Variants in HERC2 observed in about 807,000 individuals in gnomAD.
HERC2 encodes E3 ubiquitin-protein ligase HERC2.
Under a neutral mutation model 537.7 loss-of-function variants are expected in HERC2, and 102 were observed. That is an observed-to-expected ratio of 0.19 (90% confidence interval 0.16 to 0.22). HERC2 has a LOEUF of 0.22. Among genes scored for constraint, HERC2 ranks in the 10% least tolerant of loss-of-function variants. HERC2 has a pLI of 1.00. For synonymous variants in HERC2, 2,224 were observed against 2,466.2 expected (o/e 0.90, Z 2.91); for missense variants, 4,236 against 6,198.2 (o/e 0.68, Z 10.63).
chr15:28,127,651 G>A (rs767478771), intron 83 of HERC2, among the ~76,000 whole-genome samples: 4 of 152,172 alleles, frequency 2.6e-5, no homozygotes, highest in African/African-American at 4.8e-5. Context: ...AGATGCCAGG[G>A]CTCCTTGGAG....
chr15:28,139,184 C>T (rs546456003), intron 78 of HERC2, among the ~76,000 whole-genome samples: 3 of 152,352 alleles, frequency 2.0e-5, no homozygotes, highest in Non-Finnish European at 2.9e-5. Context: ...CTACAGCTCC[C>T]TCTCCCTGAG....
chr15:28,226,949 T>C (rs976145619), intron 35 of HERC2, among the ~76,000 whole-genome samples: 1 of 152,158 alleles, frequency 6.6e-6, no homozygotes, highest in African/African-American at 2.4e-5. Flanking sequence ...CATTTATTGG[T>C]ACAACAACAA....
chr15:28,211,974 A>C (rs1328958813), intron 43 of HERC2, among the ~76,000 whole-genome samples: 2 of 152,240 alleles, frequency 1.3e-5, no homozygotes, highest in African/African-American at 4.8e-5. Context: ...GGAGAGCCGC[A>C]TTCTACAACC....
At chr15:28,283,585 G>A (rs2076080116) in intron 4 of HERC2, among the ~76,000 whole-genome samples, 2 of 152,184 alleles carry the variant, frequency 1.3e-5, no homozygotes, top group Non-Finnish European at 2.9e-5. Flanking sequence ...AACCATCAAA[G>A]AAAACCCTGG....
At chr15:28,271,257 T>C (rs1297484879) in intron 9 of HERC2, among the ~76,000 whole-genome samples, 1 of 152,236 alleles carries the variant, frequency 6.6e-6, no homozygotes, top group Non-Finnish European at 1.5e-5. Context: ...AAAACCTTTA[T>C]TTTAATCTAA....
At position 28,248,576 on chromosome 15, in the gene HERC2, T is replaced by A. The variant is rs920531146; in HGVS notation, c.3211A>T (p.Ile1071Phe). 3 of 1,613,754 alleles carry A rather than the reference T, an allele frequency of 1.9e-6. No individual in the cohort carries two copies. Among genetic ancestry groups the A allele is most frequent in the Non-Finnish European group, 2.5e-6 (3 of 1,179,670 alleles). ...LISKLYPGES[I>F]GQTSDISSPE... ...CTAGAAATATCTGAGGTCTGACCAA[T>A]ACTTTCTCCTGGATAAAGTTTACTA... Residue 1071 changes from isoleucine (I) to phenylalanine (F), a missense_variant, in exon 21 of 93, where the codon ATT (isoleucine) becomes TTT (phenylalanine). Transcript: ENST00000261609.
chr15:28,255,018 C>G (rs1156232927), intron 19 of HERC2, among the ~76,000 whole-genome samples: 2 of 152,210 alleles, frequency 1.3e-5, no homozygotes, highest in African/African-American at 4.8e-5. Flanking sequence ...GTACACAGCA[C>G]AACCGTGGCA....
intron 92 of HERC2, 134 bp from the exon 93 acceptor site, chr15:28,112,169 CAA>C: frequency 1.2e-6 from 1 of 826,928 alleles, no homozygotes; most frequent in Non-Finnish European, 1.9e-6. Context: ...ATAATCCAAA[CAA>C]CTTTAGGAGT....
rs560117286 is a variant in HERC2 at position 28,220,714 on chromosome 15, C to G, written c.5653-70G>C. The G allele has an allele frequency of 2.3e-5, 30 of 1,309,474 alleles. No homozygotes were observed. The South Asian group carries it at 2.8e-4, about 12-fold the overall frequency. The allele number at this position is 1,309,474 out of a possible 1,614,324, so 81.1% of individuals were successfully genotyped here. A position where few individuals can be genotyped will look rare whatever the true frequency, so the allele number is the denominator to read the frequency against. On this transcript the variant is annotated intron_variant, in intron 36 of 92. Coordinates refer to ENST00000261609, the MANE Select transcript of HERC2 (RefSeq NM_004667.6). ...GCCCTGGTCCTTCCATGGCTCCCAG[C>G]AGACCTCAGTTAGGAGGGTGCATGC...
At position 28,270,939 on chromosome 15, in the gene HERC2, C is replaced by T. The variant is rs1392376885; in HGVS notation, c.1084-71G>A. ...TAAAGTTAACACAATTAACCTTTAC[C>T]CACGCTTTATATTTTGGTATTGACT... On this transcript the variant is annotated intron_variant, in intron 9 of 92. Coordinates refer to ENST00000261609, the MANE Select transcript of HERC2 (RefSeq NM_004667.6). 7.7e-6 allele frequency: 10 copies of T among 1,297,508 alleles called. No homozygotes were observed. The African/African-American group carries it at 8.7e-5, about 11-fold the overall frequency. 80.4% of individuals were successfully genotyped at this position (1,297,508 alleles called of 1,614,324 possible). A position where few individuals can be genotyped will look rare whatever the true frequency, so the allele number is the denominator to read the frequency against.
chr15:28,205,232 G>C (rs1898303180), intron 45 of HERC2, among the ~76,000 whole-genome samples: 1 of 147,826 alleles, frequency 6.8e-6, no homozygotes, highest in Admixed American at 6.8e-5. Context: ...AGTTCCTGAA[G>C]GACAACTCTA....
intron 14 of HERC2, among the ~76,000 whole-genome samples, chr15:28,264,012 T>C (rs1332850557): frequency 2.2e-5 from 3 of 136,194 alleles, no homozygotes; most frequent in East Asian, 2.1e-4. Flanking sequence ...GAGCAAAACT[T>C]TGTCTTACAA....
chr15:28,209,455 T>C (rs1898874971), intron 44 of HERC2, among the ~76,000 whole-genome samples: 1 of 152,086 alleles, frequency 6.6e-6, no homozygotes, highest in Non-Finnish European at 1.5e-5. Flanking sequence ...ACCATTCTCC[T>C]GCCTCAGCCT....
At chr15:28,280,400 GC>G (rs1203248508) in intron 4 of HERC2, 113 bp from the exon 5 acceptor site, 1 of 847,084 alleles carries the variant, frequency 1.2e-6, no homozygotes, top group Non-Finnish European at 1.8e-6. Flanking sequence ...ATGATATGTG[GC>G]AATAATGGTT....
intron 23 of HERC2, among the ~76,000 whole-genome samples, chr15:28,242,318 CAAGAA>C (rs1231728353): frequency 6.6e-6 from 1 of 152,106 alleles, no homozygotes; most frequent in African/African-American, 2.4e-5. Context: ...CACACCCTTC[CAAGAA>C]AAGAATAGGC....
At chr15:28,220,362 C>G in intron 37 of HERC2, 90 bp downstream of exon 37, 1 of 1,186,856 alleles carries the variant, frequency 8.4e-7, no homozygotes, top group East Asian at 2.3e-5. Flanking sequence ...TCCTGACATC[C>G]CATTCTAAGG....
intron 68 of HERC2, among the ~76,000 whole-genome samples, chr15:28,164,175 A>T (rs960581696): frequency 6.6e-6 from 1 of 152,198 alleles, no homozygotes; most frequent in African/African-American, 2.4e-5. Flanking sequence ...CCCCAGAGGA[A>T]GATCGAGAGC....
Position 28,265,894 on chromosome 15 carries a change from C to T in HERC2, c.1679G>A (p.Ser560Asn), listed in dbSNP as rs1342065813. The change falls in exon 13 of 93, where the codon AGC becomes AAC. Residue 560 changes from serine to asparagine, a missense_variant. Physicochemically the swap from Ser to Asn is conservative, Grantham distance 46 (BLOSUM62 1). Transcript: ENST00000261609. This position sits in a 1 kb window ranked among gnomAD's most constrained non-coding sequence, Gnocchi z 4.0. ...GGCAGTGATGGCCGCACTGTAAGTG[C>T]TCCCGCAAGCGATGTGCACCACGTG... ...GKHVVHIACGSTYSAAITAEG... is the reference protein window; with the variant it reads ...GKHVVHIACGNTYSAAITAEG... The T allele has an allele frequency of 1.2e-6, 2 of 1,614,208 alleles. No homozygotes were observed. Among genetic ancestry groups the T allele is most frequent in the Admixed American group, 1.7e-5 (1 of 60,020 alleles).
At chr15:28,130,704 C>G in intron 81 of HERC2, 110 bp from the exon 82 acceptor site, 1 of 826,804 alleles carries the variant, frequency 1.2e-6, no homozygotes, top group Non-Finnish European at 2.1e-6. Flanking sequence ...AACTTGTACC[C>G]ATGATGAATA....
Sources: gnomAD v4.1 joint callset for allele counts (sites outside exome capture counted in the v4.1 genomes callset) on GRCh38, gnomAD v4.1.1 for gene constraint, Gnocchi (gnomAD v3.1) non-coding constraint, MANE v1.5 for transcripts, NCBI Gene and HGNC (gene_info 2026-07-23, HGNC 2026-07-21) for gene names.